Variants in SNRK observed in about 807,000 individuals in gnomAD.
SNRK encodes the protein SNF related kinase, also known as SNF-related serine/threonine-protein kinase.
In SNRK, 3 loss-of-function variants were observed where a neutral mutation model predicts 48.2. The observed-to-expected ratio is 0.06, with a 90% CI of 0.03 to 0.16. SNRK has a LOEUF of 0.16. SNRK is among the 10% of genes least tolerant of loss of function. The pLI is 1.00. For missense variants in SNRK, 627 were observed against 976.0 expected (o/e 0.64, Z 4.76); for synonymous variants, 376 against 366.1 (o/e 1.03, Z -0.31).
At chr3:43,292,261 T>G (rs552950837) in intron 1 of SNRK, among the ~76,000 whole-genome samples, 1 of 152,326 alleles carries the variant, frequency 6.6e-6, no homozygotes, top group African/African-American at 2.4e-5. Flanking sequence ...AATGTAGTGT[T>G]TTATGGAACT....
intron 1 of SNRK, among the ~76,000 whole-genome samples, chr3:43,296,430 A>ACATATATATATATG (rs1553632598): frequency 0.015 from 2,171 of 146,060 alleles, 73 homozygotes; most frequent in African/African-American, 0.051. Flanking sequence ...ATATATATAT[A>ACATATATATATATG]TATGTATATA....
intron 1 of SNRK, among the ~76,000 whole-genome samples, chr3:43,295,469 G>A (rs940046487): frequency 6.6e-6 from 1 of 152,186 alleles, no homozygotes; most frequent in Non-Finnish European, 1.5e-5. Context: ...TGCTTTCTTA[G>A]AGACTCAGGA....
intron 6 of SNRK, among the ~76,000 whole-genome samples, chr3:43,344,367 G>A (rs905720017): frequency 4.6e-5 from 7 of 152,260 alleles, no homozygotes; most frequent in African/African-American, 9.6e-5. Context: ...ACTGTAGTTC[G>A]AAAACAGAAG....
At position 43,303,936 on chromosome 3, in the gene SNRK, A is replaced by G. The variant is rs1479547486; in HGVS notation, c.589+144A>G. 6.4e-6 allele frequency: 4 copies of G among 620,644 alleles called. No individual in the cohort carries two copies. Among genetic ancestry groups the G allele is most frequent in the Non-Finnish European group, 8.4e-6 (3 of 355,560 alleles). The allele number at this position is 620,644 out of a possible 1,614,324, so 38.4% of individuals were successfully genotyped here. ...AAATTGGGTTTCATAAATGCCATAT[A>G]TGCCTAAAGCTGGCATTTCGTTTAT... On this transcript the variant is annotated intron_variant, in intron 3 of 6. Coordinates refer to ENST00000296088, the MANE Select transcript of SNRK (RefSeq NM_017719.5). The surrounding 1 kb of genome is among the most constrained non-coding windows in gnomAD (Gnocchi z 6.2).
At chr3:43,293,277 C>G (rs1372143660) in intron 1 of SNRK, among the ~76,000 whole-genome samples, 2 of 152,022 alleles carry the variant, frequency 1.3e-5, no homozygotes, top group East Asian at 3.9e-4. Flanking sequence ...GGGCTGCATA[C>G]CCTCTTTCTC....
At chr3:43,322,710 T>G (rs1382900532) in intron 3 of SNRK, among the ~76,000 whole-genome samples, 1 of 152,102 alleles carries the variant, frequency 6.6e-6, no homozygotes, top group Non-Finnish European at 1.5e-5. Context: ...CCGAGCACTT[T>G]GGGAGGCCGA....
At chr3:43,289,553 G>A (rs182744969) in intron 1 of SNRK, among the ~76,000 whole-genome samples, 2 of 152,322 alleles carry the variant, frequency 1.3e-5, no homozygotes, top group African/African-American at 2.4e-5. Context: ...CTGGAACTGT[G>A]TTGTCTGCTC....
At chr3:43,293,885 A>G (rs1034013655) in intron 1 of SNRK, among the ~76,000 whole-genome samples, 13 of 152,018 alleles carry the variant, frequency 8.6e-5, no homozygotes, top group African/African-American at 1.4e-4. Context: ...TGCCACTGCA[A>G]TCCAGCCTGT....
chr3:43,295,602 A>G (rs2090846417), intron 1 of SNRK, among the ~76,000 whole-genome samples: 1 of 152,204 alleles, frequency 6.6e-6, no homozygotes, highest in Non-Finnish European at 1.5e-5. Context: ...TAGTAATACA[A>G]CCAATCCAGT....
chr3:43,330,522 T>A (rs2125638126), intron 3 of SNRK, among the ~76,000 whole-genome samples: 1 of 152,328 alleles, frequency 6.6e-6, no homozygotes, highest in Middle Eastern at 3.4e-3. Context: ...AAGTTAAACA[T>A]AAACTATATA....
At chr3:43,343,531 A>G in intron 6 of SNRK, 53 bp downstream of exon 6, 1 of 1,563,388 alleles carries the variant, frequency 6.4e-7, no homozygotes, top group Middle Eastern at 1.7e-4. Context: ...TGAAATAGCG[A>G]ACTTTTTTTT....
intron 3 of SNRK, among the ~76,000 whole-genome samples, chr3:43,316,028 A>G (rs1416087818): frequency 6.6e-6 from 1 of 152,238 alleles, no homozygotes; most frequent in Non-Finnish European, 1.5e-5. Context: ...CTCTGTAAAT[A>G]AAAAGTATTT....
At chr3:43,322,006 G>A (rs1024509114) in intron 3 of SNRK, among the ~76,000 whole-genome samples, 9 of 152,234 alleles carry the variant, frequency 5.9e-5, no homozygotes, top group Non-Finnish European at 1.2e-4. Flanking sequence ...CTAGCACAGC[G>A]CCTGGCAAAT....
At chr3:43,291,415 T>C (rs1211005947) in intron 1 of SNRK, among the ~76,000 whole-genome samples, 1 of 152,136 alleles carries the variant, frequency 6.6e-6, no homozygotes, top group African/African-American at 2.4e-5. Context: ...TACAGGTGTT[T>C]AGGGGCCAGT....
At chr3:43,300,062 C>T (rs1338330113) in intron 2 of SNRK, among the ~76,000 whole-genome samples, 1 of 152,098 alleles carries the variant, frequency 6.6e-6, no homozygotes, top group African/African-American at 2.4e-5. Flanking sequence ...TCATTGTGTC[C>T]TGTTCTTAGC....
chr3:43,291,589 T>A (rs1018117527), intron 1 of SNRK, among the ~76,000 whole-genome samples: 4 of 152,208 alleles, frequency 2.6e-5, no homozygotes, highest in African/African-American at 9.6e-5. Context: ...CCTGCTAATA[T>A]ATATTATCCC....
intron 3 of SNRK, among the ~76,000 whole-genome samples, chr3:43,311,869 T>C (rs770062179): frequency 8.5e-5 from 13 of 152,114 alleles, no homozygotes; most frequent in Non-Finnish European, 1.8e-4. Flanking sequence ...AACTTACTCT[T>C]TAAAAAATGA....
At chr3:43,332,138 C>A in intron 3 of SNRK, 31 bp from the exon 4 acceptor site, 1 of 1,469,232 alleles carries the variant, frequency 6.8e-7, no homozygotes, top group Non-Finnish European at 9.1e-7. Context: ...CTAATTAGTC[C>A]AATATTTTAA....
At chr3:43,327,165 G>A (rs2091102982) in intron 3 of SNRK, among the ~76,000 whole-genome samples, 1 of 152,198 alleles carries the variant, frequency 6.6e-6, no homozygotes, top group Non-Finnish European at 1.5e-5. Flanking sequence ...TTTGAATGCA[G>A]ACAAGTAGTT....
Sources: allele counts gnomAD v4.1 joint callset (sites outside exome capture counted in the v4.1 genomes callset), GRCh38; gene constraint gnomAD v4.1.1; non-coding constraint Gnocchi (gnomAD v3.1); transcripts MANE v1.5; gene names NCBI Gene and HGNC (gene_info 2026-07-23, HGNC 2026-07-21).